CAMK1G: variants seen among roughly 807,000 people sequenced by gnomAD.
CAMK1G encodes the protein calcium/calmodulin-dependent protein kinase type 1G.
A neutral mutation model predicts 54.8 loss-of-function variants in CAMK1G; 27 were observed. That is an observed-to-expected ratio of 0.49 (90% CI 0.36 to 0.68). The LOEUF is 0.68. Among genes scored for constraint, CAMK1G ranks in the 30% least tolerant of loss-of-function variants. The pLI is 0.00. For missense variants in CAMK1G, 512 were observed against 591.0 expected, an observed-to-expected ratio of 0.87 and a Z score of 1.39; for synonymous variants, 238 against 224.9, an observed-to-expected ratio of 1.06 and a Z score of -0.52.
At chr1:209,597,135 G>A (rs1665409907) in intron 2 of CAMK1G, among the ~76,000 whole-genome samples, 1 of 152,208 alleles carries the variant, frequency 6.6e-6, no homozygotes, top group South Asian at 2.1e-4. Context: ...CCACAGTGGG[G>A]CATGGTGGAG....
At chr1:209,585,101 A>G (rs998397538) in intron 1 of CAMK1G, among the ~76,000 whole-genome samples, 2 of 152,128 alleles carry the variant, frequency 1.3e-5, no homozygotes, top group Admixed American at 1.3e-4. Flanking sequence ...AATTCAGTGA[A>G]CTTTCCACGA....
Position 209,592,207 on chromosome 1 carries a change from C to T in CAMK1G, c.-29-2748C>T, listed in dbSNP as rs569994682. On this transcript the variant is annotated intron_variant, in intron 1 of 12. Coordinates refer to ENST00000361322, the MANE Select transcript of CAMK1G (RefSeq NM_020439.3). ...GGAAAAAAAATTAATATTTGGCAGG[C>T]GTGTTGATGCATGCCTGTAGACCCA... Among the ~76,000 whole-genome samples, 15 of 151,792 alleles carry T rather than the reference C, an allele frequency of 9.9e-5. No homozygotes were observed. The South Asian group carries it at 1.5e-3, about 15-fold the overall frequency.
At chr1:209,611,363 C>T (rs1665776276) in intron 9 of CAMK1G, 102 bp from the exon 10 acceptor site, 9 of 992,638 alleles carry the variant, frequency 9.1e-6, no homozygotes, top group African/African-American at 1.6e-5. Context: ...TTCCTCTGCA[C>T]ACTCTACCCA....
At chr1:209,606,035 G>GTT (rs1349692865) in intron 5 of CAMK1G, among the ~76,000 whole-genome samples, 1 of 152,182 alleles carries the variant, frequency 6.6e-6, no homozygotes, top group East Asian at 1.9e-4. Context: ...CCAAAGATTG[G>GTT]TTCTCTCAAA....
intron 2 of CAMK1G, among the ~76,000 whole-genome samples, chr1:209,595,551 C>CT (rs1254167309): frequency 2.4e-5 from 2 of 84,094 alleles, no homozygotes; most frequent in African/African-American, 1.0e-4. Context: ...GTTCTTGCCT[C>CT]TGTCAGGAGA....
At chr1:209,597,480 T>C (rs1665418288) in intron 2 of CAMK1G, among the ~76,000 whole-genome samples, 1 of 152,254 alleles carries the variant, frequency 6.6e-6, no homozygotes, top group African/African-American at 2.4e-5. Flanking sequence ...CTGATAGCAT[T>C]TTTCAAATCA....
At chr1:209,598,328 A>C (rs1345782954) in intron 2 of CAMK1G, among the ~76,000 whole-genome samples, 8 of 152,236 alleles carry the variant, frequency 5.3e-5, no homozygotes, top group Non-Finnish European at 1.0e-4. Flanking sequence ...GATAACTGGT[A>C]CAGAGTGATC....
intron 8 of CAMK1G, 38 bp from the exon 9 acceptor site, chr1:209,609,813 T>C (rs1558141958): frequency 7.5e-6 from 12 of 1,604,602 alleles, no homozygotes; most frequent in Non-Finnish European, 1.0e-5. Flanking sequence ...TCATGAAATC[T>C]GGTCCTTAGT....
intron 8 of CAMK1G, 149 bp downstream of exon 8, chr1:209,609,241 G>A (rs565262383): frequency 2.4e-5 from 22 of 910,348 alleles, no homozygotes; most frequent in South Asian, 8.5e-5. Context: ...AGAAATCTTC[G>A]TCTGCTTCAA....
intron 7 of CAMK1G, among the ~76,000 whole-genome samples, chr1:209,608,742 G>T (rs111979004): frequency 0.011 from 1,691 of 152,312 alleles, 41 homozygotes; most frequent in African/African-American, 0.039. Context: ...GGGTTGGAGG[G>T]CATAATGTAC....
rs1463498948 is a variant in CAMK1G at position 209,607,944 on chromosome 1, G to T, written c.635+11G>T. On this transcript the variant is annotated intron_variant, in intron 7 of 12. Transcript: ENST00000361322. ...CATCACCTACATATTGTGAGTAGACGCTGGCCTGGGTTCAGCTGATGAGAA... is the reference window on the plus strand; with the variant it reads ...CATCACCTACATATTGTGAGTAGACTCTGGCCTGGGTTCAGCTGATGAGAA... 2 of 1,605,956 alleles carry T rather than the reference G, an allele frequency of 1.2e-6. No individual in the cohort carries two copies. The highest frequency in any genetic ancestry group is 2.2e-5 in the South Asian group (2 of 90,586).
chr1:209,597,133 G>C (rs561933146), intron 2 of CAMK1G, among the ~76,000 whole-genome samples: 19 of 152,306 alleles, frequency 1.2e-4, no homozygotes, highest in Middle Eastern at 3.4e-3. Flanking sequence ...TACCACAGTG[G>C]GGCATGGTGG....
At chr1:209,607,660 T>G in intron 6 of CAMK1G, 198 bp from the exon 7 acceptor site, 1 of 524,444 alleles carries the variant, frequency 1.9e-6, no homozygotes, top group Non-Finnish European at 3.4e-6. Flanking sequence ...AATGCAGAAG[T>G]CACAGTCTCT....
rs1358591043 is a variant in CAMK1G, at chr1:209,613,770, G to A, written c.*768G>A. The A allele has an allele frequency of 6.6e-6, 1 of 152,170 alleles. No individual in the cohort carries two copies. Among genetic ancestry groups the A allele is most frequent in the Non-Finnish European group, 1.5e-5 (1 of 68,040 alleles). The allele number at this position is 152,170 out of a possible 1,614,324, so 9.4% of individuals were successfully genotyped here. Reference sequence around the variant, plus strand: ...GCACACACCCAATGGAGTTAACCTTGGAAGTTGACTATTTTAATGTCTGCC... The same window carrying A: ...GCACACACCCAATGGAGTTAACCTTAGAAGTTGACTATTTTAATGTCTGCC... On this transcript the variant is annotated 3_prime_UTR_variant, in exon 13 of 13. Coordinates refer to ENST00000361322, the MANE Select transcript of CAMK1G (RefSeq NM_020439.3).
chr1:209,594,660 A>T (rs1380081868), intron 1 of CAMK1G, among the ~76,000 whole-genome samples: 1 of 152,210 alleles, frequency 6.6e-6, no homozygotes, highest in Non-Finnish European at 1.5e-5. Context: ...CTGAGCTCAG[A>T]TCCCCTCAAG....
Position 209,607,830 on chromosome 1 carries a change from C to G in CAMK1G, c.560-28C>G, listed in dbSNP as rs368066354. The G allele has an allele frequency of 1.9e-6, 3 of 1,603,154 alleles. No homozygotes were observed. The African/African-American group carries it at 4.0e-5, about 21-fold the overall frequency. On this transcript the variant is annotated intron_variant, in intron 6 of 12. Coordinates refer to ENST00000361322, the MANE Select transcript of CAMK1G (RefSeq NM_020439.3). ...CAAAGCCCTCTCCTCTTGCCACCAGCCCTGACTCTGCCCTTGGTCTGCTGC... is the reference window on the plus strand; with the variant it reads ...CAAAGCCCTCTCCTCTTGCCACCAGGCCTGACTCTGCCCTTGGTCTGCTGC...
intron 3 of CAMK1G, among the ~76,000 whole-genome samples, chr1:209,602,982 AG>A (rs1232567787): frequency 6.6e-6 from 1 of 152,212 alleles, no homozygotes; most frequent in African/African-American, 2.4e-5. Flanking sequence ...TGTTTCCTGA[AG>A]GAAGGATGAT....
At chr1:209,599,025 C>T (rs1665454719) in intron 2 of CAMK1G, among the ~76,000 whole-genome samples, 1 of 152,088 alleles carries the variant, frequency 6.6e-6, no homozygotes, top group African/African-American at 2.4e-5. Flanking sequence ...TGAGGTGGCC[C>T]CAGGAAACTG....
intron 2 of CAMK1G, among the ~76,000 whole-genome samples, chr1:209,596,659 CACCACACACACACACA>C (rs955057095): frequency 2.2e-4 from 28 of 124,948 alleles, no homozygotes; most frequent in African/African-American, 8.0e-4. Context: ...ATCACACACA[CACCACACACACACACA>C]CACACACACA....
Sources: gnomAD v4.1 joint callset for allele counts (sites outside exome capture counted in the v4.1 genomes callset) on GRCh38, gnomAD v4.1.1 for gene constraint, MANE v1.5 for transcripts, NCBI Gene and HGNC (gene_info 2026-07-23, HGNC 2026-07-21) for gene names.